ATG7: variants seen among roughly 807,000 people sequenced by gnomAD.
The protein encoded by ATG7 is autophagy related 7.
A neutral mutation model predicts 82.4 loss-of-function variants in ATG7; 70 were observed. The ratio of observed to expected loss-of-function variants is 0.85; its 90% CI spans 0.70 to 1.04. The LOEUF is 1.04. Ranked by LOEUF, ATG7 falls within the 50% of genes least tolerant of loss-of-function variation. The probability of loss-of-function intolerance (pLI) is 0.00; values close to 1 mark genes in which losing one functional copy is unlikely to be tolerated. For missense variants in ATG7, 792 were observed against 864.3 expected, an observed-to-expected ratio of 0.92 and a Z score of 1.05; for synonymous variants, 287 against 313.0, an observed-to-expected ratio of 0.92 and a Z score of 0.88.
chr3:11,437,511 T>G (rs916584297), intron 20 of ATG7, among the ~76,000 whole-genome samples: 3 of 152,218 alleles, frequency 2.0e-5, no homozygotes, highest in Non-Finnish European at 4.4e-5. Flanking sequence ...AGCAGGTGTT[T>G]AGAGGATCTA....
intron 19 of ATG7, among the ~76,000 whole-genome samples, chr3:11,383,738 G>A (rs892517900): frequency 3.3e-5 from 5 of 152,142 alleles, no homozygotes; most frequent in South Asian, 2.1e-4. Flanking sequence ...GTGAGCCACC[G>A]CATCCAGCCG....
the ATG7 span, among the ~76,000 whole-genome samples, chr3:11,572,100 C>T: frequency 2.0e-5 from 3 of 151,856 alleles, no homozygotes; most frequent in South Asian, 4.2e-4. Flanking sequence ...AGAGTGAGAC[C>T]CTGTCTCAAA....
chr3:11,363,863 A>G (rs2076428764), intron 17 of ATG7, among the ~76,000 whole-genome samples: 1 of 152,198 alleles, frequency 6.6e-6, no homozygotes. Flanking sequence ...GCAGTTGAAA[A>G]TTGTGGTTGT....
At chr3:11,447,882 G>T (rs1408990974) in intron 20 of ATG7, among the ~76,000 whole-genome samples, 1 of 152,210 alleles carries the variant, frequency 6.6e-6, no homozygotes, top group East Asian at 1.9e-4. Flanking sequence ...AGTGATGGGG[G>T]ATGGTCCTCC....
At chr3:11,340,214 A>G (rs556840905) in intron 11 of ATG7, among the ~76,000 whole-genome samples, 9 of 152,334 alleles carry the variant, frequency 5.9e-5, no homozygotes, top group African/African-American at 2.2e-4. Context: ...TCAAATCCCA[A>G]TAGGAACCTC....
At chr3:11,351,668 C>T (rs1220545475) in intron 14 of ATG7, among the ~76,000 whole-genome samples, 1 of 152,204 alleles carries the variant, frequency 6.6e-6, no homozygotes, top group Non-Finnish European at 1.5e-5. Flanking sequence ...TCCCCCAGGC[C>T]ACGGTCCAAG....
In ATG7 at chr3:11,347,913, G is replaced by A. The variant is rs200259863; in HGVS notation, c.1162G>A (p.Ala388Thr). The A allele has an allele frequency of 1.9e-4, 302 of 1,614,030 alleles. No homozygotes were observed. Among genetic ancestry groups the A allele is most frequent in the Non-Finnish European group, 2.4e-4 (286 of 1,180,018 alleles). The change falls in exon 14 of 21, where the codon GCC becomes ACC. Residue 388 changes from alanine (A) to threonine (T), a missense_variant. Ala to Thr is a moderately conservative substitution (Grantham distance 58, BLOSUM62 0). Coordinates refer to ENST00000693202, the MANE Select transcript of ATG7 (RefSeq NM_001349232.2). ...GAGACACATCACATTTGTGGACAAT[G>A]CCAAGATCTCCTACTCCAATCCTGT... The part of the protein sequence containing the change: ...GVRHITFVDN[A>T]KISYSNPVRQ...
chr3:11,526,043 C>G (rs1227590681), intron 20 of ATG7, among the ~76,000 whole-genome samples: 1 of 152,148 alleles, frequency 6.6e-6, no homozygotes, highest in African/African-American at 2.4e-5. Context: ...ATAACTGCTG[C>G]TCTGTTTCCC....
intron 20 of ATG7, among the ~76,000 whole-genome samples, chr3:11,479,223 G>A (rs2088640135): frequency 6.6e-6 from 1 of 152,182 alleles, no homozygotes; most frequent in South Asian, 2.1e-4. Flanking sequence ...TGATTCCACA[G>A]AGAAGACTGG....
intron 18 of ATG7, among the ~76,000 whole-genome samples, chr3:11,378,400 G>T (rs961669874): frequency 6.6e-6 from 1 of 150,952 alleles, no homozygotes; most frequent in Non-Finnish European, 1.5e-5. Context: ...TGATAAATTC[G>T]GGCTGGGCGC....
chr3:11,540,907 T>TGGCGG (rs1478475481), intron 20 of ATG7, among the ~76,000 whole-genome samples: 24 of 35,028 alleles, frequency 6.9e-4, no homozygotes, highest in Non-Finnish European at 1.2e-3. Flanking sequence ...TAGCTTTTTT[T>TGGCGG]GGGGGGGGGA....
At chr3:11,301,053 A>C (rs960006523) in intron 5 of ATG7, among the ~76,000 whole-genome samples, 9 of 152,240 alleles carry the variant, frequency 5.9e-5, no homozygotes, top group African/African-American at 2.2e-4. Context: ...TAGGGAGGTG[A>C]AAGATGATAC....
At chr3:11,405,189 C>T (rs969342970) in intron 19 of ATG7, among the ~76,000 whole-genome samples, 29 of 152,112 alleles carry the variant, frequency 1.9e-4, no homozygotes, top group Non-Finnish European at 2.4e-4. Context: ...CAAATGAGGA[C>T]ATTTTGTCAG....
intron 19 of ATG7, among the ~76,000 whole-genome samples, chr3:11,414,879 G>A (rs1328589905): frequency 6.6e-6 from 1 of 152,194 alleles, no homozygotes; most frequent in Non-Finnish European, 1.5e-5. Flanking sequence ...TGTTGAACCA[G>A]GCTTGTGCAC....
chr3:11,402,467 C>T (rs1194643648), intron 19 of ATG7, among the ~76,000 whole-genome samples: 1 of 152,076 alleles, frequency 6.6e-6, no homozygotes, highest in African/African-American at 2.4e-5. Context: ...ACTGGATAAG[C>T]TAGGGGCTGA....
chr3:11,411,487 G>A (rs936436113), intron 19 of ATG7, among the ~76,000 whole-genome samples: 2 of 151,764 alleles, frequency 1.3e-5, no homozygotes, highest in Non-Finnish European at 2.9e-5. Context: ...CAGGCATGGT[G>A]GTGTGTGCCT....
chr3:11,281,522 C>T (rs1943031238), intron 2 of ATG7, among the ~76,000 whole-genome samples: 1 of 152,118 alleles, frequency 6.6e-6, no homozygotes, highest in Non-Finnish European at 1.5e-5. Context: ...CCTATAATCC[C>T]AGTACTTTGG....
intron 20 of ATG7, among the ~76,000 whole-genome samples, chr3:11,549,631 G>C (rs1480095094): frequency 1.3e-5 from 2 of 152,170 alleles, no homozygotes; most frequent in African/African-American, 2.4e-5. Context: ...CAATTTCTCT[G>C]CTTTCCCGTT....
At chr3:11,477,576 T>C (rs1259005187) in intron 20 of ATG7, among the ~76,000 whole-genome samples, 1 of 152,210 alleles carries the variant, frequency 6.6e-6, no homozygotes, top group African/African-American at 2.4e-5. Flanking sequence ...TTTTAGTCAC[T>C]ATAGAAGTTA....
Sources: gnomAD v4.1 joint callset for allele counts (sites outside exome capture counted in the v4.1 genomes callset) on GRCh38, gnomAD v4.1.1 for gene constraint, MANE v1.5 for transcripts, NCBI Gene and HGNC (gene_info 2026-07-23, HGNC 2026-07-21) for gene names.